The following GTF3C3 variants were observed in gnomAD, a reference collection of about 807,000 sequenced individuals.
The protein encoded by GTF3C3 is general transcription factor 3C polypeptide 3.
Under a neutral mutation model 105.2 loss-of-function variants are expected in GTF3C3, and 75 were observed. That is an observed-to-expected ratio of 0.71 (90% CI 0.59 to 0.86). The LOEUF (loss-of-function observed/expected upper bound fraction) is 0.86, where lower values mean the gene tolerates loss of function less well. Ranked by LOEUF, GTF3C3 falls within the 40% of genes least tolerant of loss-of-function variation. The probability of loss-of-function intolerance (pLI) is 0.00; values close to 1 mark genes in which losing one functional copy is unlikely to be tolerated. For synonymous variants in GTF3C3, 335 were observed against 370.4 expected, an observed-to-expected ratio of 0.90 and a Z score of 1.10; for missense variants, 856 against 1,076.5, an observed-to-expected ratio of 0.80 and a Z score of 2.87.
chr2:196,791,199 A>C, intron 4 of GTF3C3, 138 bp downstream of exon 4: 1 of 654,346 alleles, frequency 1.5e-6, no homozygotes, highest in Non-Finnish European at 2.5e-6. Context: ...TTTCTTGTGA[A>C]AAGTGGCAAT....
At chr2:196,765,940 G>A (rs1466228065) in intron 17 of GTF3C3, among the ~76,000 whole-genome samples, 2 of 150,208 alleles carry the variant, frequency 1.3e-5, no homozygotes, top group Admixed American at 1.3e-4. Context: ...AACCCGGGAG[G>A]CGGAGCTTGC....
chr2:196,792,571 A>T (rs1699568040), intron 3 of GTF3C3, among the ~76,000 whole-genome samples: 5 of 152,126 alleles, frequency 3.3e-5, no homozygotes, highest in Admixed American at 2.0e-4. Context: ...AGCATTTTTT[A>T]AAAAATAAAT....
At chr2:196,777,994 T>C (rs943517622) in intron 10 of GTF3C3, 1 of 152,234 alleles carries the variant, frequency 6.6e-6, no homozygotes, top group African/African-American at 2.4e-5. Context: ...TGTATTCATA[T>C]TTATTCATCT....
intron 8 of GTF3C3, among the ~76,000 whole-genome samples, chr2:196,781,342 G>GAAAAAAAAAAAAAAAA (rs769914255): frequency 1.3e-4 from 4 of 31,450 alleles, no homozygotes; most frequent in African/African-American, 2.4e-4. Context: ...ATGTTAAGGG[G>GAAAAAAAAAAAAAAAA]AAAAAAAAAA....
At chr2:196,770,624 G>A (rs1349153236) in intron 15 of GTF3C3, among the ~76,000 whole-genome samples, 2 of 152,102 alleles carry the variant, frequency 1.3e-5, no homozygotes, top group Middle Eastern at 3.2e-3. Context: ...ATCATCTCTT[G>A]TCAAAAGCCT....
rs1407489340 is a variant in GTF3C3, at chr2:196,775,185, G to C, written c.1762C>G (p.Leu588Val). The change falls in exon 13 of 18, where the codon CTT becomes GTT. Residue 588 changes from leucine (L) to valine (V), a missense_variant. Around this residue, in one of 3 missense-constraint regions of GTF3C3, gnomAD observed 605 missense variants for 833.6 expected, o/e 0.73. Transcript: ENST00000263956. Reference protein sequence around the residue: ...SSKSGERHLYLIKVSRDKISD... With the variant: ...SSKSGERHLYVIKVSRDKISD... ...ATTTTGTCTCTCGATACTTTAATAA[G>C]ATAAAGATGCCTCTCTCCAGACTTG... 6.2e-7 allele frequency: 1 copy of C among 1,612,274 alleles called. No individual in the cohort carries two copies. Among genetic ancestry groups the C allele is most frequent in the South Asian group, 1.1e-5 (1 of 90,972 alleles).
At position 196,764,569 on chromosome 2, in the gene GTF3C3, AG is replaced by A. The variant is rs748297238; in HGVS notation, c.2654del (p.Ser885LeufsTer33). 1 of 1,613,718 alleles carries A rather than the reference AG, an allele frequency of 6.2e-7. No homozygotes were observed. Among genetic ancestry groups the A allele is most frequent in the Non-Finnish European group, 8.5e-7 (1 of 1,179,740 alleles). ...TGTTCTCAGTTGCGGTGCTTTATATAGAACAATAGGTATACAAAAGCGTTTG... is the reference window on the plus strand; with the variant it reads ...TGTTCTCAGTTGCGGTGCTTTATATAAACAATAGGTATACAAAAGCGTTTG... ...MAQTLLYTYC[S>X]I is the part of the protein sequence containing the mutation. On this transcript the variant is annotated frameshift_variant, in exon 18 of 18. Transcript: ENST00000263956. LOFTEE classifies it high-confidence loss of function.
chr2:196,787,641 A>C (rs1366029190), intron 6 of GTF3C3, among the ~76,000 whole-genome samples: 1 of 152,046 alleles, frequency 6.6e-6, no homozygotes, highest in East Asian at 1.9e-4. Context: ...CACCCCCACC[A>C]CATACCTCAA....
Position 196,764,626 on chromosome 2 carries a change from G to C in GTF3C3, c.2598C>G (p.Ile866Met), listed in dbSNP as rs150627833. Residue 866 changes from isoleucine (I) to methionine (M), a missense_variant, in exon 18 of 18, where the codon ATC becomes ATG. Ile to Met is a conservative substitution (Grantham distance 10). Transcript: ENST00000263956. Reference protein sequence around the residue: ...RRDIAYNLSLIYQSSGNTGMA... With the variant: ...RRDIAYNLSLMYQSSGNTGMA... ...TTCCGGTATTCCCACTGCTCTGATA[G>C]ATGAGAGACAAGTTGTAGGCAATAT... 1 of 1,612,512 alleles carries C rather than the reference G, an allele frequency of 6.2e-7. No individual in the cohort carries two copies. The highest frequency in any genetic ancestry group is 8.5e-7 in the Non-Finnish European group (1 of 1,178,562).
chr2:196,792,921 A>G, intron 3 of GTF3C3, 35 bp downstream of exon 3: 1 of 1,437,322 alleles, frequency 7.0e-7, no homozygotes, highest in Non-Finnish European at 9.7e-7. Flanking sequence ...CACTTTCTTC[A>G]TTGTTTATAA....
At chr2:196,775,046 C>T in intron 13 of GTF3C3, 70 bp downstream of exon 13, 2 of 1,065,116 alleles carry the variant, frequency 1.9e-6, no homozygotes, top group Non-Finnish European at 1.4e-6. Context: ...GATTGCTGTC[C>T]AGTGTTACTT....
rs1249081752 is a variant in GTF3C3 at position 196,789,983 on chromosome 2, A to G, written c.623T>C (p.Ile208Thr). The part of the protein sequence containing the change: ...DMEKSLQFEL[I>T]AAHLNPSDTE... ...GTCACTGGGATTTAAATGCGCAGCAATCAACTCAAACTGCAATGATTTTTC... is the reference window on the plus strand; with the variant it reads ...GTCACTGGGATTTAAATGCGCAGCAGTCAACTCAAACTGCAATGATTTTTC... Residue 208 changes from isoleucine to threonine, a missense_variant, in exon 5 of 18, where the codon ATT becomes ACT. Ile to Thr is a moderately conservative substitution (Grantham distance 89). This residue lies in a region of GTF3C3 where 605 missense variants were observed against 833.6 expected (regional missense o/e 0.73). Coordinates refer to ENST00000263956, the MANE Select transcript of GTF3C3 (RefSeq NM_012086.5). 2.5e-6 allele frequency: 4 copies of G among 1,613,446 alleles called. No individual in the cohort carries two copies. Among genetic ancestry groups the G allele is most frequent in the Non-Finnish European group, 3.4e-6 (4 of 1,179,558 alleles).
chr2:196,773,383 G>A (rs1395484912), intron 13 of GTF3C3, among the ~76,000 whole-genome samples: 4 of 152,210 alleles, frequency 2.6e-5, no homozygotes, highest in Middle Eastern at 3.4e-3. Context: ...CACCTGATTC[G>A]GACTTGGTCT....
intron 17 of GTF3C3, among the ~76,000 whole-genome samples, chr2:196,766,266 C>G (rs996385563): frequency 1.3e-5 from 2 of 152,008 alleles, no homozygotes; most frequent in Non-Finnish European, 1.5e-5. Context: ...GAAACAGTCA[C>G]AATATTCTTC....
intron 9 of GTF3C3, among the ~76,000 whole-genome samples, chr2:196,779,762 C>G (rs1280934022): frequency 6.6e-6 from 1 of 152,134 alleles, no homozygotes; most frequent in Non-Finnish European, 1.5e-5. Flanking sequence ...GGTCTGCAGT[C>G]TCTACCTCCT....
intron 2 of GTF3C3, among the ~76,000 whole-genome samples, chr2:196,795,471 T>C (rs1371036930): frequency 6.6e-6 from 1 of 152,236 alleles, no homozygotes; most frequent in African/African-American, 2.4e-5. Context: ...ATAAGGATCA[T>C]ATTCAAGAAT....
chr2:196,789,847 T>TA, intron 5 of GTF3C3, 32 bp downstream of exon 5: 1 of 1,353,864 alleles, frequency 7.4e-7, no homozygotes, highest in East Asian at 2.3e-5. Flanking sequence ...TAACAGCTTG[T>TA]AAAAGTGAAA....
chr2:196,765,986 G>A (rs2125737091), intron 17 of GTF3C3, among the ~76,000 whole-genome samples: 1 of 141,814 alleles, frequency 7.1e-6, no homozygotes, highest in South Asian at 2.3e-4. Flanking sequence ...CTCCAGCCTG[G>A]GCCACAGAGC....
At position 196,785,591 on chromosome 2, in the gene GTF3C3, A is replaced by G. The variant is rs749524749; in HGVS notation, c.894-3T>C. The G allele has an allele frequency of 5.8e-6, 9 of 1,561,182 alleles. No individual in the cohort carries two copies. The East Asian group carries it at 1.8e-4, about 31-fold the overall frequency. On this transcript the variant is annotated splice_polypyrimidine_tract_variant and splice_region_variant and intron_variant, in intron 6 of 17. Transcript: ENST00000263956. The stretch of plus-strand genomic sequence containing the variant: ...CATCATTGGCTTCATAGTAACTCCT[A>G]AAAAAAAGTGGCAAAATGGATGAAT...
Sources: allele counts gnomAD v4.1 joint callset (sites outside exome capture counted in the v4.1 genomes callset), GRCh38; gene constraint gnomAD v4.1.1; regional missense constraint gnomAD v4.1.1; transcripts MANE v1.5; gene names NCBI Gene and HGNC (gene_info 2026-07-23, HGNC 2026-07-21).